The following SCN7A variants were observed in gnomAD, a reference collection of about 807,000 sequenced individuals.
SCN7A encodes the protein sodium channel protein type 7 subunit alpha.
In SCN7A, 138 loss-of-function variants were observed where a neutral mutation model predicts 155.2. The ratio of observed to expected loss-of-function variants is 0.89; its 90% CI spans 0.77 to 1.02. The LOEUF (loss-of-function observed/expected upper bound fraction) is 1.02. SCN7A is among the 50% of genes least tolerant of loss of function. The pLI is 0.00. For missense variants in SCN7A, 2,058 were observed against 1,986.6 expected, an observed-to-expected ratio of 1.04 and a Z score of -0.68; for synonymous variants, 693 against 649.0, an observed-to-expected ratio of 1.07 and a Z score of -1.03.
At chr2:166,479,854 G>A (rs1360814261) in intron 2 of SCN7A, among the ~76,000 whole-genome samples, 2 of 152,044 alleles carry the variant, frequency 1.3e-5, no homozygotes, top group Admixed American at 1.3e-4. Context: ...CAGAGATAGG[G>A]TACAAGGAAA....
chr2:166,423,471 G>A, intron 18 of SCN7A, 39 bp from the exon 19 acceptor site: 1 of 1,462,470 alleles, frequency 6.8e-7, no homozygotes, highest in Non-Finnish European at 9.0e-7. Flanking sequence ...TAGGTGTACA[G>A]GTAATTTCTA....
chr2:166,426,747 G>C lies in SCN7A; in HGVS notation c.2853+1041C>G, dbSNP rs376016479. ...ACTGAGGGGTAAGAGTGTTGTTCTG[G>C]CATCCTGGTAAATGTTCTGTTTCTC... On this transcript the variant is annotated intron_variant, in intron 18 of 25. Coordinates refer to ENST00000643258, the MANE Select transcript of SCN7A (RefSeq NM_002976.4). Among the ~76,000 whole-genome samples, 37 of 152,144 alleles carry C rather than the reference G, an allele frequency of 2.4e-4. 1 individual carries two copies. The South Asian group carries it at 7.7e-3, about 32-fold the overall frequency.
In SCN7A at chr2:166,465,426, A is replaced by T. The variant is rs114517199; in HGVS notation, c.941+36T>A. ...CTTCATTAAATACTATTGACAGGTG[A>T]TAATGATTTAATAGAATAAAACTAA... On this transcript the variant is annotated intron_variant, in intron 9 of 25. Coordinates refer to ENST00000643258, the MANE Select transcript of SCN7A (RefSeq NM_002976.4). The T allele has an allele frequency of 6.7e-4, 927 of 1,377,832 alleles. 4 individuals carry two copies. The African/African-American group carries it at 0.012, about 17-fold the overall frequency. The allele number at this position is 1,377,832 out of a possible 1,614,324, so 85.4% of individuals were successfully genotyped here. A position where few individuals can be genotyped will look rare whatever the true frequency, so the allele number is the denominator to read the frequency against.
At chr2:166,434,759 A>C (rs907285079) in intron 15 of SCN7A, among the ~76,000 whole-genome samples, 3 of 152,156 alleles carry the variant, frequency 2.0e-5, no homozygotes, top group African/African-American at 7.2e-5. Flanking sequence ...TTGTTTGGCT[A>C]AGTATTAGGC....
At chr2:166,479,548 G>A (rs1002514202) in intron 2 of SCN7A, among the ~76,000 whole-genome samples, 4 of 151,698 alleles carry the variant, frequency 2.6e-5, no homozygotes, top group Non-Finnish European at 5.9e-5. Context: ...TGCTTTTCAT[G>A]TCTGCCGCAT....
At position 166,416,698 on chromosome 2, in the gene SCN7A, T is replaced by A; in HGVS notation, c.3414+9A>T. The A allele has an allele frequency of 6.3e-7, 1 of 1,590,230 alleles. No individual in the cohort carries two copies. The highest frequency in any genetic ancestry group is 1.1e-5 in the South Asian group (1 of 87,388). On this transcript the variant is annotated intron_variant, in intron 21 of 25. Coordinates refer to ENST00000643258, the MANE Select transcript of SCN7A (RefSeq NM_002976.4). The stretch of plus-strand genomic sequence containing the variant: ...ATAATTAATAAGGAAAAGTCAAAAG[T>A]GTACTTACTACTTGAAGCAGAGAAA...
chr2:166,486,250 A>T (rs1056649153), intron 2 of SCN7A, among the ~76,000 whole-genome samples: 1 of 152,162 alleles, frequency 6.6e-6, no homozygotes, highest in African/African-American at 2.4e-5. Context: ...TCTCCTCAGC[A>T]GTGGAACTAA....
At chr2:166,414,023 AATAT>A (rs1390158377) in intron 21 of SCN7A, among the ~76,000 whole-genome samples, 1 of 60,724 alleles carries the variant, frequency 1.6e-5, no homozygotes, top group Non-Finnish European at 3.3e-5. Flanking sequence ...TATATATGTA[AATAT>A]ATATAAATAT....
intron 3 of SCN7A, among the ~76,000 whole-genome samples, chr2:166,475,137 T>TATATATATATATAC (rs1553520569): frequency 3.0e-5 from 4 of 133,866 alleles, no homozygotes; most frequent in Admixed American, 7.7e-5. Flanking sequence ...TATATATATA[T>TATATATATATATAC]ACACACACAC....
At chr2:166,414,928 A>G (rs1701336075) in intron 21 of SCN7A, among the ~76,000 whole-genome samples, 2 of 118,276 alleles carry the variant, frequency 1.7e-5, no homozygotes, top group South Asian at 4.7e-4. Context: ...AATATATATT[A>G]TTATATAGGA....
At chr2:166,453,419 A>G (rs1702214488) in intron 11 of SCN7A, among the ~76,000 whole-genome samples, 1 of 152,212 alleles carries the variant, frequency 6.6e-6, no homozygotes, top group South Asian at 2.1e-4. Flanking sequence ...AATAGTTTGT[A>G]TAAAAGCTAT....
chr2:166,492,256 C>T (rs1444665077), intron 1 of SCN7A, among the ~76,000 whole-genome samples: 1 of 152,044 alleles, frequency 6.6e-6, no homozygotes, highest in Admixed American at 6.5e-5. Flanking sequence ...AGCCCATGTA[C>T]AAATTGAGTT....
chr2:166,423,439 G>A lies in SCN7A; in HGVS notation c.2854-7C>T, dbSNP rs1440786615. Reference sequence around the variant, plus strand: ...TATATATATCTTCAAAAGCCTGTGGGTAAAAATAAAAAAATAAGGATTAGG... The same window carrying A: ...TATATATATCTTCAAAAGCCTGTGGATAAAAATAAAAAAATAAGGATTAGG... On this transcript the variant is annotated splice_region_variant and splice_polypyrimidine_tract_variant and intron_variant, in intron 18 of 25. Coordinates refer to ENST00000643258, the MANE Select transcript of SCN7A (RefSeq NM_002976.4). 2.6e-6 allele frequency: 4 copies of A among 1,517,190 alleles called. No homozygotes were observed. Among genetic ancestry groups the A allele is most frequent in the South Asian group, 2.6e-5 (2 of 76,998 alleles). The allele number at this position is 1,517,190 out of a possible 1,614,324, so 94.0% of individuals were successfully genotyped here. A position where few individuals can be genotyped will look rare whatever the true frequency, so the allele number is the denominator to read the frequency against.
At chr2:166,423,013 C>A (rs532460182) in intron 19 of SCN7A, among the ~76,000 whole-genome samples, 2 of 152,076 alleles carry the variant, frequency 1.3e-5, no homozygotes, top group African/African-American at 4.8e-5. Context: ...AACAAACTTA[C>A]ATGGTTAACA....
rs34799257 is a variant in SCN7A, at chr2:166,406,082, C to T, written c.4547G>A (p.Arg1516Lys). ...KNKTLSEDDF[R>K]KFFQVWKRFD... ...CCTTTTCCATACCTGAAAGAATTTC[C>T]TAAAATCATCTTCACTCAAGGTCTT... The change falls in exon 26 of 26, where the codon AGG (arginine) becomes AAG (lysine). Residue 1516 changes from arginine (R) to lysine (K), a missense_variant. Arg to Lys is a conservative substitution (Grantham distance 26). Transcript: ENST00000643258. The T allele has an allele frequency of 6.6e-3, 10,611 of 1,612,390 alleles. 47 individuals are homozygous for T. Among genetic ancestry groups the T allele is most frequent in the Non-Finnish European group, 8.3e-3 (9,792 of 1,179,098 alleles).
At chr2:166,413,981 G>GTATGTATATATATATATATATA (rs1553513527) in intron 21 of SCN7A, among the ~76,000 whole-genome samples, 3 of 53,526 alleles carry the variant, frequency 5.6e-5, no homozygotes, top group Non-Finnish European at 1.1e-4. Context: ...ATGTGTATGT[G>GTATGTATATATATATATATATA]TATATATATA....
At chr2:166,475,121 C>CGTATATATATATATATATATATACGTAT (rs1553520555) in intron 3 of SCN7A, among the ~76,000 whole-genome samples, 4 of 102,212 alleles carry the variant, frequency 3.9e-5, no homozygotes, top group African/African-American at 1.6e-4. Context: ...TATATATATA[C>CGTATATATATATATATATATATACGTAT]ATATATATAT....
chr2:166,491,181 C>T (rs1158536638), intron 1 of SCN7A, among the ~76,000 whole-genome samples: 1 of 152,148 alleles, frequency 6.6e-6, no homozygotes, highest in Non-Finnish European at 1.5e-5. Context: ...AGCATCACCT[C>T]CTGTTCTAGT....
Position 166,410,206 on chromosome 2 carries a change from AGACAT to A in SCN7A, c.3711+9_3711+13del. ...CCTCCATTGAAGTTTCAAAAAATCT[AGACAT>A]TTTCTTACTAATGGGCGAGGTACTG... On this transcript the variant is annotated intron_variant, in intron 24 of 25. Transcript: ENST00000643258. 1 of 1,512,470 alleles carries A rather than the reference AGACAT, an allele frequency of 6.6e-7. No homozygotes were observed. The highest frequency in any genetic ancestry group is 2.1e-5 in the Admixed American group (1 of 46,590). The allele number at this position is 1,512,470 out of a possible 1,614,324, so 93.7% of individuals were successfully genotyped here.
Sources: gnomAD v4.1 joint callset for allele counts (sites outside exome capture counted in the v4.1 genomes callset) on GRCh38, gnomAD v4.1.1 for gene constraint, MANE v1.5 for transcripts, NCBI Gene and HGNC (gene_info 2026-07-23, HGNC 2026-07-21) for gene names.